The following ABCA10 variants were observed in gnomAD, a reference collection of about 807,000 sequenced individuals.
ABCA10 encodes the protein ATP-binding cassette sub-family A member 10.
ABCA10 carries 169 observed loss-of-function variants against 187.5 expected under a neutral mutation model. The ratio of observed to expected loss-of-function variants is 0.90; its 90% CI spans 0.80 to 1.02. ABCA10 has a LOEUF of 1.02. Among genes scored for constraint, ABCA10 ranks in the 50% least tolerant of loss-of-function variants. The pLI is 0.00. For missense variants in ABCA10, 1,727 were observed against 1,812.4 expected (o/e 0.95, Z 0.86); for synonymous variants, 574 against 601.8 (o/e 0.95, Z 0.68).
chr17:69,215,614 T>C (rs916664111), intron 8 of ABCA10: 1 of 468,686 alleles, frequency 2.1e-6, no homozygotes, highest in African/African-American at 2.0e-5. Context: ...TCTTTAAATT[T>C]GCTAGGATTT....
chr17:69,241,101 A>G (rs1291127843), intron 1 of ABCA10, among the ~76,000 whole-genome samples: 1 of 152,080 alleles, frequency 6.6e-6, no homozygotes, highest in Non-Finnish European at 1.5e-5. Context: ...AAATCCTCAA[A>G]CCTAAACTTC....
In ABCA10 at chr17:69,154,236, A is replaced by C. The variant is rs771642187; in HGVS notation, c.3785T>G (p.Val1262Gly). 1.9e-6 allele frequency: 3 copies of C among 1,603,880 alleles called. No homozygotes were observed. The highest frequency in any genetic ancestry group is 2.6e-6 in the Non-Finnish European group (3 of 1,174,900). ...AAATTTCCTTCACATGTCACATACCACTCCTGCAGTTGGCTTTGTGCACCC... is the reference window on the plus strand; with the variant it reads ...AAATTTCCTTCACATGTCACATACCCCTCCTGCAGTTGGCTTTGTGCACCC... ...ITGCTKPTAGVVVLQGSRASV... is the reference protein window; with the variant it reads ...ITGCTKPTAGGVVLQGSRASV... Residue 1262 changes from valine to glycine, a missense_variant and splice_region_variant, in exon 31 of 39, where the codon GTG (valine) becomes GGG (glycine). By Grantham distance (109) the Val-to-Gly change is moderately radical. Transcript: ENST00000690296.
At chr17:69,189,435 GCA>G (rs927070161) in intron 18 of ABCA10, among the ~76,000 whole-genome samples, 2 of 152,080 alleles carry the variant, frequency 1.3e-5, no homozygotes, top group African/African-American at 4.8e-5. Flanking sequence ...TTTGTTGGGT[GCA>G]TAGTTTGCAA....
intron 9 of ABCA10, among the ~76,000 whole-genome samples, chr17:69,211,162 A>G (rs1177996549): frequency 6.6e-6 from 1 of 151,190 alleles, no homozygotes; most frequent in African/African-American, 2.4e-5. Context: ...CACTACATGA[A>G]AAAGACACTT....
chr17:69,197,506 A>C (rs980510724), intron 10 of ABCA10, among the ~76,000 whole-genome samples: 1 of 151,988 alleles, frequency 6.6e-6, no homozygotes, highest in East Asian at 1.9e-4. Context: ...AATAATCTTT[A>C]CTCCCTATTT....
intron 25 of ABCA10, among the ~76,000 whole-genome samples, chr17:69,172,012 T>C (rs1224018961): frequency 7.1e-6 from 1 of 140,004 alleles, no homozygotes; most frequent in Non-Finnish European, 1.5e-5. Context: ...AGTGAACAAA[T>C]AGATTGATTT....
At chr17:69,208,862 C>A (rs1229783832) in intron 9 of ABCA10, among the ~76,000 whole-genome samples, 1 of 152,026 alleles carries the variant, frequency 6.6e-6, no homozygotes, top group African/African-American at 2.4e-5. Context: ...CGTAGCAAGA[C>A]CCCACCTCTA....
intron 20 of ABCA10, among the ~76,000 whole-genome samples, chr17:69,184,812 TCAA>T (rs1220969914): frequency 5.3e-4 from 80 of 151,388 alleles, no homozygotes; most frequent in Non-Finnish European, 7.2e-4. Context: ...TGCCCATCCA[TCAA>T]CAAGTGGATT....
rs147313154 is a variant in ABCA10, at chr17:69,219,644, A to C, written c.431T>G (p.Phe144Cys). 1.3e-5 allele frequency: 21 copies of C among 1,611,082 alleles called. No individual in the cohort carries two copies. In the East Asian group the frequency reaches 4.7e-4, roughly 36 times the overall value. Residue 144 changes from phenylalanine to cysteine, a missense_variant, in exon 6 of 39, where the codon TTC (phenylalanine) becomes TGC (cysteine). Phe to Cys is a radical substitution (Grantham distance 205). Coordinates refer to ENST00000690296, the MANE Select transcript of ABCA10 (RefSeq NM_001377321.1). ...EWFHFTCLVSFSSFIYFASLN... is the reference protein window; with the variant it reads ...EWFHFTCLVSCSSFIYFASLN... ...TGATGCAAAGTATATAAAAGAAGAG[A>C]AAGAAACTAAGCAAGTAAAATGAAA...
intron 10 of ABCA10, among the ~76,000 whole-genome samples, chr17:69,198,076 G>A (rs1322605307): frequency 3.3e-5 from 5 of 151,236 alleles, no homozygotes. Flanking sequence ...GAGCCTGAGA[G>A]GCATCCTTAA....
chr17:69,209,849 G>A (rs1352264805), intron 9 of ABCA10, among the ~76,000 whole-genome samples: 2 of 152,072 alleles, frequency 1.3e-5, no homozygotes, highest in Non-Finnish European at 2.9e-5. Context: ...TATACTGTAG[G>A]AAATTGTAAG....
intron 16 of ABCA10, among the ~76,000 whole-genome samples, chr17:69,191,554 A>T (rs1003374168): frequency 6.6e-6 from 1 of 152,184 alleles, no homozygotes; most frequent in African/African-American, 2.4e-5. Flanking sequence ...ATCAACACCA[A>T]TTCCTTTAAA....
chr17:69,171,217 ATGT>A (rs2074295393), intron 25 of ABCA10, among the ~76,000 whole-genome samples: 2 of 152,368 alleles, frequency 1.3e-5, no homozygotes, highest in South Asian at 2.1e-4. Context: ...ACAAGTAGAA[ATGT>A]TGTTTTCAAT....
intron 25 of ABCA10, among the ~76,000 whole-genome samples, chr17:69,166,309 C>G (rs1294633570): frequency 6.6e-6 from 1 of 151,166 alleles, no homozygotes; most frequent in African/African-American, 2.4e-5. Flanking sequence ...CAGAAGTTCT[C>G]CCAAGAAGCA....
Position 69,210,222 on chromosome 17 carries a change from G to A in ABCA10, c.1006+4482C>T, listed in dbSNP as rs1236489519. On this transcript the variant is annotated intron_variant, in intron 9 of 38. Coordinates refer to ENST00000690296, the MANE Select transcript of ABCA10 (RefSeq NM_001377321.1). ...TTTTGAGACGGAGTCTCGCTCTGTCGCCCAGGCCGGACTGCGGACTGCAGT... is the reference window on the plus strand; with the variant it reads ...TTTTGAGACGGAGTCTCGCTCTGTCACCCAGGCCGGACTGCGGACTGCAGT... 4.3e-4 allele frequency among the ~76,000 whole-genome samples: 47 copies of A among 109,128 alleles called. No individual in the cohort carries two copies. In the East Asian group the frequency reaches 0.01, roughly 24 times the overall value. 71.6% of individuals were successfully genotyped at this position (109,128 alleles called of 152,430 possible). A position where few individuals can be genotyped will look rare whatever the true frequency, so the allele number is the denominator to read the frequency against.
intron 9 of ABCA10, among the ~76,000 whole-genome samples, chr17:69,202,106 C>T (rs928407790): frequency 3.9e-5 from 6 of 152,098 alleles, no homozygotes; most frequent in African/African-American, 1.4e-4. Flanking sequence ...TAAAGCATTA[C>T]AGGTGCATTA....
At chr17:69,209,705 G>C (rs1391521997) in intron 9 of ABCA10, among the ~76,000 whole-genome samples, 2 of 94,636 alleles carry the variant, frequency 2.1e-5, no homozygotes, top group African/African-American at 4.6e-5. Context: ...TGAACAATGG[G>C]GATACCTTCT....
intron 22 of ABCA10, among the ~76,000 whole-genome samples, chr17:69,176,541 C>T (rs1408694990): frequency 6.6e-6 from 1 of 151,850 alleles, no homozygotes; most frequent in African/African-American, 2.4e-5. Flanking sequence ...TGGGAAGAAC[C>T]AGATTACCAG....
intron 5 of ABCA10, 79 bp downstream of exon 5, chr17:69,221,713 T>A: frequency 4.0e-6 from 5 of 1,264,960 alleles, no homozygotes; most frequent in Non-Finnish European, 5.5e-6. Context: ...AGTGTAAGAG[T>A]AAGGTAGGGG....
Sources: allele counts gnomAD v4.1 joint callset (sites outside exome capture counted in the v4.1 genomes callset), GRCh38; gene constraint gnomAD v4.1.1; transcripts MANE v1.5; gene names NCBI Gene and HGNC (gene_info 2026-07-23, HGNC 2026-07-21).